MACROD2: variants seen among roughly 807,000 people sequenced by gnomAD.
MACROD2 encodes the protein ADP-ribose glycohydrolase MACROD2.
A neutral mutation model predicts 70.4 loss-of-function variants in MACROD2; 36 were observed. That is an observed-to-expected ratio of 0.51 (90% CI 0.39 to 0.68). MACROD2 has a LOEUF of 0.68. Among genes scored for constraint, MACROD2 ranks in the 30% least tolerant of loss-of-function variants. The pLI, the probability that MACROD2 is intolerant of heterozygous loss-of-function variation, is 0.00. For synonymous variants in MACROD2, 172 were observed against 178.8 expected (o/e 0.96, Z 0.30); for missense variants, 496 against 538.4 (o/e 0.92, Z 0.78).
At chr20:14,861,588 C>T (rs1048681418) in intron 5 of MACROD2, among the ~76,000 whole-genome samples, 2 of 151,912 alleles carry the variant, frequency 1.3e-5, no homozygotes, top group Non-Finnish European at 2.9e-5. Flanking sequence ...GATCAACCTC[C>T]TGTAGTCTAT....
chr20:15,525,347 C>T (rs1248969248), intron 8 of MACROD2, among the ~76,000 whole-genome samples: 1 of 152,210 alleles, frequency 6.6e-6, no homozygotes, highest in East Asian at 1.9e-4. Context: ...GAGTTCCTGG[C>T]AGAGTGGTCA....
chr20:14,009,846 A>G (rs1016390378), intron 2 of MACROD2, among the ~76,000 whole-genome samples: 12 of 152,194 alleles, frequency 7.9e-5, no homozygotes, highest in African/African-American at 2.9e-4. Flanking sequence ...GGAAGCCATT[A>G]TGCTCGACAA....
chr20:15,866,683 T>G (rs1256371896), intron 9 of MACROD2, among the ~76,000 whole-genome samples: 2 of 152,166 alleles, frequency 1.3e-5, no homozygotes, highest in African/African-American at 2.4e-5. Flanking sequence ...TTGGGGAAAG[T>G]CCCATTTCAT....
intron 3 of MACROD2, among the ~76,000 whole-genome samples, chr20:14,433,572 G>A (rs1030980629): frequency 2.0e-5 from 3 of 152,092 alleles, no homozygotes; most frequent in African/African-American, 4.8e-5. Flanking sequence ...ATGGAAGTTT[G>A]GTCATTCTTA....
intron 8 of MACROD2, among the ~76,000 whole-genome samples, chr20:15,705,026 T>C (rs1386723532): frequency 6.6e-6 from 1 of 152,238 alleles, no homozygotes; most frequent in Admixed American, 6.5e-5. Context: ...ACTCTGCTGC[T>C]AATTCTCACG....
At chr20:14,047,572 G>T (rs1201946883) in intron 2 of MACROD2, among the ~76,000 whole-genome samples, 2 of 151,848 alleles carry the variant, frequency 1.3e-5, no homozygotes, top group Admixed American at 1.3e-4. Flanking sequence ...CTTAAGCTGG[G>T]TAGTGGACAT....
intron 8 of MACROD2, among the ~76,000 whole-genome samples, chr20:15,810,570 G>A (rs1293240677): frequency 6.6e-6 from 1 of 152,104 alleles, no homozygotes; most frequent in Non-Finnish European, 1.5e-5. Flanking sequence ...TGTCTTCACA[G>A]AATTGGAAAA....
intron 7 of MACROD2, among the ~76,000 whole-genome samples, chr20:15,432,506 A>G (rs939779683): frequency 2.6e-4 from 39 of 152,040 alleles, no homozygotes; most frequent in Non-Finnish European, 1.3e-4. Flanking sequence ...CATCTGCACA[A>G]TTATCCCCAT....
chr20:15,262,826 T>C (rs1270236259), intron 6 of MACROD2, among the ~76,000 whole-genome samples: 2 of 152,148 alleles, frequency 1.3e-5, no homozygotes, highest in Admixed American at 1.3e-4. Flanking sequence ...TTCATTTACC[T>C]GTTTGCCATT....
intron 5 of MACROD2, among the ~76,000 whole-genome samples, chr20:15,035,201 C>T (rs2075303747): frequency 6.6e-6 from 1 of 152,028 alleles, no homozygotes; most frequent in African/African-American, 2.4e-5. Context: ...CCAGACCAGC[C>T]TGGGCAACAT....
At chr20:14,277,613 G>A (rs902660594) in intron 3 of MACROD2, among the ~76,000 whole-genome samples, 2 of 152,100 alleles carry the variant, frequency 1.3e-5, no homozygotes, top group Non-Finnish European at 2.9e-5. Context: ...TCAAAGAAAA[G>A]GGTGGTGGAG....
At chr20:15,804,577 C>G (rs929613832) in intron 8 of MACROD2, among the ~76,000 whole-genome samples, 1 of 152,154 alleles carries the variant, frequency 6.6e-6, no homozygotes, top group Non-Finnish European at 1.5e-5. Flanking sequence ...TGTGCGTTGT[C>G]AAAAGTCACT....
intron 8 of MACROD2, among the ~76,000 whole-genome samples, chr20:15,804,754 G>T (rs78860625): frequency 0.012 from 1,884 of 152,190 alleles, 42 homozygotes; most frequent in African/African-American, 0.043. Flanking sequence ...CCAGTCTGCT[G>T]GCTTCCAACT....
chr20:14,730,535 A>C (rs2071582669), intron 5 of MACROD2, among the ~76,000 whole-genome samples: 1 of 152,176 alleles, frequency 6.6e-6, no homozygotes, highest in Non-Finnish European at 1.5e-5. Flanking sequence ...AAACCCAGTG[A>C]AACTGTCTTT....
Position 14,636,187 on chromosome 20 carries a change from A to G in MACROD2, c.302-48656A>G, listed in dbSNP as rs539582962. 1.1e-4 allele frequency among the ~76,000 whole-genome samples: 17 copies of G among 152,262 alleles called. No homozygotes were observed. The South Asian group carries it at 3.5e-3, about 32-fold the overall frequency. ...ATCATTTTAATGTGATAATGAATGGAATAGGAGTTTAGCTTCATTTCATTT... is the reference window on the plus strand; with the variant it reads ...ATCATTTTAATGTGATAATGAATGGGATAGGAGTTTAGCTTCATTTCATTT... On this transcript the variant is annotated intron_variant, in intron 4 of 17. Transcript: ENST00000684519.
chr20:16,048,256 A>G (rs1339834744), intron 17 of MACROD2, among the ~76,000 whole-genome samples: 1 of 152,216 alleles, frequency 6.6e-6, no homozygotes, highest in African/African-American at 2.4e-5. Context: ...TTACAGGACA[A>G]TTAGCACTAT....
At chr20:15,082,546 T>TTTTC (rs202243912) in intron 5 of MACROD2, among the ~76,000 whole-genome samples, 1 of 129,694 alleles carries the variant, frequency 7.7e-6, no homozygotes, top group Admixed American at 8.3e-5. Flanking sequence ...TTTTTTTTTT[T>TTTTC]CCTAAGCTGA....
At chr20:14,589,157 T>A (rs1213850491) in intron 4 of MACROD2, among the ~76,000 whole-genome samples, 4 of 152,158 alleles carry the variant, frequency 2.6e-5, no homozygotes, top group Non-Finnish European at 5.9e-5. Context: ...GATTCATGGA[T>A]TTTTCTCTTG....
intron 5 of MACROD2, among the ~76,000 whole-genome samples, chr20:14,819,909 T>A (rs1052540386): frequency 5.9e-5 from 9 of 152,074 alleles, no homozygotes; most frequent in Non-Finnish European, 1.2e-4. Flanking sequence ...GATATCATGA[T>A]GTTGTTCCCA....
Sources: allele counts gnomAD v4.1 joint callset (sites outside exome capture counted in the v4.1 genomes callset), GRCh38; gene constraint gnomAD v4.1.1; transcripts MANE v1.5; gene names NCBI Gene and HGNC (gene_info 2026-07-23, HGNC 2026-07-21).